Variants in ALPK2 observed in about 807,000 individuals in gnomAD.
ALPK2 encodes alpha-protein kinase 2.
ALPK2 carries 127 observed loss-of-function variants against 163.1 expected under a neutral mutation model. The ratio of observed to expected loss-of-function variants is 0.78; its 90% confidence interval spans 0.67 to 0.90. ALPK2 has a LOEUF of 0.90. ALPK2 is among the 40% of genes least tolerant of loss of function. The pLI is 0.00. For synonymous variants in ALPK2, 953 were observed against 959.1 expected (o/e 0.99, Z 0.12); for missense variants, 2,360 against 2,589.6 (o/e 0.91, Z 1.92).
chr18:58,511,249 G>A (rs2051488879), intron 10 of ALPK2, among the ~76,000 whole-genome samples: 1 of 152,190 alleles, frequency 6.6e-6, no homozygotes, highest in South Asian at 2.1e-4. Flanking sequence ...CTTGATCATG[G>A]TGGATAAGCT....
intron 1 of ALPK2, among the ~76,000 whole-genome samples, chr18:58,628,449 T>TA (rs1270929561): frequency 6.6e-6 from 1 of 152,232 alleles, no homozygotes; most frequent in Admixed American, 6.5e-5. Context: ...ATTCTGTATA[T>TA]TTTTTCTAAC....
At position 58,498,201 on chromosome 18, in the gene ALPK2, T is replaced by C. The variant is rs369319985; in HGVS notation, c.6248-104A>G. ...AGGGGTAATGACAGCTCATCCTCCT[T>C]CTCCTTCCTGCATAAACACTCGAGG... On this transcript the variant is annotated intron_variant, in intron 11 of 12. Coordinates refer to ENST00000361673, the MANE Select transcript of ALPK2 (RefSeq NM_052947.4). 7.5e-4 allele frequency: 781 copies of C among 1,047,370 alleles called. 5 individuals are homozygous for C. The South Asian group carries it at 8.8e-3, about 12-fold the overall frequency. 64.9% of individuals were successfully genotyped at this position (1,047,370 alleles called of 1,614,324 possible). A position where few individuals can be genotyped will look rare whatever the true frequency, so the allele number is the denominator to read the frequency against.
intron 1 of ALPK2, among the ~76,000 whole-genome samples, chr18:58,618,135 T>C (rs2052179764): frequency 6.6e-6 from 1 of 152,206 alleles, no homozygotes; most frequent in Non-Finnish European, 1.5e-5. Flanking sequence ...AACCTCCACC[T>C]CCCAGGTTCA....
chr18:58,549,136 C>G (rs1055921692), intron 4 of ALPK2, among the ~76,000 whole-genome samples: 3 of 152,180 alleles, frequency 2.0e-5, no homozygotes, highest in African/African-American at 7.2e-5. Flanking sequence ...AGAGAAGCAT[C>G]TTTTGTTTTA....
chr18:58,583,680 G>A (rs975005494), intron 3 of ALPK2, among the ~76,000 whole-genome samples: 7 of 147,702 alleles, frequency 4.7e-5, no homozygotes, highest in Non-Finnish European at 1.0e-4. Context: ...CAGGCATGGT[G>A]ATACACACCA....
intron 5 of ALPK2, 54 bp from the exon 6 acceptor site, chr18:58,529,292 C>G: frequency 6.7e-7 from 1 of 1,490,882 alleles, no homozygotes; most frequent in Non-Finnish European, 9.1e-7. Context: ...CCATTTCATA[C>G]CATTTAATTC....
intron 2 of ALPK2, among the ~76,000 whole-genome samples, chr18:58,609,003 T>G (rs2052113748): frequency 6.7e-6 from 1 of 149,114 alleles, no homozygotes; most frequent in Non-Finnish European, 1.5e-5. Context: ...CGGAACTCCA[T>G]AGAAAGAGGA....
intron 5 of ALPK2, among the ~76,000 whole-genome samples, chr18:58,529,932 G>T (rs2051603963): frequency 6.6e-6 from 1 of 152,246 alleles, no homozygotes; most frequent in African/African-American, 2.4e-5. Context: ...GGCAGCCACT[G>T]GGCGGCAGCC....
At chr18:58,523,504 T>G (rs1211486766) in intron 8 of ALPK2, among the ~76,000 whole-genome samples, 1 of 152,218 alleles carries the variant, frequency 6.6e-6, no homozygotes, top group Non-Finnish European at 1.5e-5. Context: ...ACTTCCACAA[T>G]GGTTGAACTA....
rs530590681 is a variant in ALPK2, at chr18:58,481,349, G to A, written c.*474C>T. ...AGAACCCACCTCCGGCAACAATAGCGTATTAGACACCAGTGGAACAACTTG... is the reference window on the plus strand; with the variant it reads ...AGAACCCACCTCCGGCAACAATAGCATATTAGACACCAGTGGAACAACTTG... On this transcript the variant is annotated 3_prime_UTR_variant, in exon 13 of 13. Coordinates refer to ENST00000361673, the MANE Select transcript of ALPK2 (RefSeq NM_052947.4). 96 of 168,774 alleles carry A rather than the reference G, an allele frequency of 5.7e-4. No individual in the cohort carries two copies. Among genetic ancestry groups the A allele is most frequent in the Middle Eastern group, 6.0e-3 (2 of 334 alleles). The allele number at this position is 168,774 out of a possible 1,614,324, so 10.5% of individuals were successfully genotyped here. A position where few individuals can be genotyped will look rare whatever the true frequency, so the allele number is the denominator to read the frequency against.
chr18:58,522,942 TA>T (rs2051563122), intron 8 of ALPK2, among the ~76,000 whole-genome samples: 1 of 151,914 alleles, frequency 6.6e-6, no homozygotes, highest in African/African-American at 2.4e-5. Context: ...ATTATACTTT[TA>T]GGGTACATGT....
At chr18:58,560,319 C>T (rs935021195) in intron 4 of ALPK2, among the ~76,000 whole-genome samples, 3 of 152,220 alleles carry the variant, frequency 2.0e-5, no homozygotes, top group Admixed American at 6.5e-5. Flanking sequence ...GAGGCCTGCT[C>T]AGCCATGTGG....
At chr18:58,510,448 G>A (rs898586374) in intron 10 of ALPK2, among the ~76,000 whole-genome samples, 13 of 152,124 alleles carry the variant, frequency 8.5e-5, no homozygotes, top group African/African-American at 2.4e-4. Flanking sequence ...TGATGAGGAC[G>A]GCATTGAATC....
At position 58,487,869 on chromosome 18, in the gene ALPK2, C is replaced by CAA. The variant is rs937717840; in HGVS notation, c.6297-5832_6297-5831dup. 8.3e-4 allele frequency among the ~76,000 whole-genome samples: 98 copies of CAA among 118,516 alleles called. 1 individual carries two copies. Among genetic ancestry groups the CAA allele is most frequent in the African/African-American group, 2.8e-3 (90 of 32,654 alleles). The allele number at this position is 118,516 out of a possible 152,430, so 77.8% of individuals were successfully genotyped here. Reference sequence around the variant, plus strand: ...AGACCCTATCTCTACAAAACAAAAACAAAAACAAAAAATATGAATAGCATT... The same window carrying CAA: ...AGACCCTATCTCTACAAAACAAAAACAAAAAAACAAAAAATATGAATAGCATT... On this transcript the variant is annotated intron_variant, in intron 12 of 12. Coordinates refer to ENST00000361673, the MANE Select transcript of ALPK2 (RefSeq NM_052947.4).
rs1157085273 is a variant in ALPK2 at position 58,593,588 on chromosome 18, G to A, written c.228-13040C>T. 7.7e-3 allele frequency among the ~76,000 whole-genome samples: 852 copies of A among 111,036 alleles called. 2 individuals are homozygous for A. Among genetic ancestry groups the A allele is most frequent in the Non-Finnish European group, 0.011 (646 of 56,368 alleles). The allele number at this position is 111,036 out of a possible 152,430, so 72.8% of individuals were successfully genotyped here. A position where few individuals can be genotyped will look rare whatever the true frequency, so the allele number is the denominator to read the frequency against. ...CAAAAAAAAAAAAAAAAAAAAAAAG[G>A]CAAAAAAGACCGGGTGCAGTGGCTC... On this transcript the variant is annotated intron_variant, in intron 3 of 12. Transcript: ENST00000361673.
chr18:58,506,419 T>G (rs1156391068), intron 10 of ALPK2, among the ~76,000 whole-genome samples: 1 of 150,276 alleles, frequency 6.7e-6, no homozygotes, highest in African/African-American at 2.4e-5. Flanking sequence ...AACATTTAAA[T>G]GATATTTAAA....
chr18:58,579,173 C>T lies in ALPK2; in HGVS notation c.1603G>A (p.Ala535Thr). ...LWSKRGSRKS[A>T]RVRQPGMKGN... ...TTCATTCCCGGCTGCCTCACCCTGG[C>T]AGATTTCCTTGAACCCCTCTTGCTC... The change falls in exon 4 of 13, where the codon GCC becomes ACC. Residue 535 changes from alanine (A) to threonine (T), a missense_variant. Ala to Thr is a moderately conservative substitution (Grantham distance 58, BLOSUM62 0). Transcript: ENST00000361673. 6.2e-7 allele frequency: 1 copy of T among 1,614,146 alleles called. No individual in the cohort carries two copies. Among genetic ancestry groups the T allele is most frequent in the Non-Finnish European group, 8.5e-7 (1 of 1,180,026 alleles).
chr18:58,514,942 T>C (rs7505023), intron 10 of ALPK2, 51 bp downstream of exon 10: 1,432,582 of 1,451,494 alleles, frequency 0.99, 708,734 homozygotes, highest in East Asian at 1. Flanking sequence ...TCGTCCCTCC[T>C]AGTCCCCAAC....
chr18:58,565,782 T>C (rs12605309), intron 4 of ALPK2, among the ~76,000 whole-genome samples: 1 of 138,262 alleles, frequency 7.2e-6, no homozygotes, highest in Admixed American at 7.5e-5. Flanking sequence ...TTTCTTTCTT[T>C]CTTTCTTCCT....
Sources: allele counts gnomAD v4.1 joint callset (sites outside exome capture counted in the v4.1 genomes callset), GRCh38; gene constraint gnomAD v4.1.1; transcripts MANE v1.5; gene names NCBI Gene and HGNC (gene_info 2026-07-23, HGNC 2026-07-21).